PREX2: variants seen among roughly 807,000 people sequenced by gnomAD.
PREX2 encodes the protein phosphatidylinositol 3,4,5-trisphosphate-dependent Rac exchanger 2 protein.
Under a neutral mutation model 203.2 loss-of-function variants are expected in PREX2, and 107 were observed. The observed-to-expected ratio is 0.53, with a 90% CI of 0.45 to 0.62. The LOEUF is 0.62. Among genes scored for constraint, PREX2 ranks in the 20% least tolerant of loss-of-function variants. PREX2 has a pLI of 0.00. For synonymous variants in PREX2, 672 were observed against 663.6 expected (o/e 1.01, Z -0.19); for missense variants, 1,777 against 1,955.9 (o/e 0.91, Z 1.72).
chr8:67,973,268 A>G (rs1805978390), intron 1 of PREX2, among the ~76,000 whole-genome samples: 1 of 152,168 alleles, frequency 6.6e-6, no homozygotes, highest in Non-Finnish European at 1.5e-5. Context: ...TCATTTTATC[A>G]TAAACTTTGC....
intron 1 of PREX2, among the ~76,000 whole-genome samples, chr8:67,998,115 G>T (rs1006509809): frequency 6.6e-6 from 1 of 152,200 alleles, no homozygotes; most frequent in East Asian, 1.9e-4. Context: ...AACTGTGAGA[G>T]ATCTCATTGG....
At chr8:68,111,166 A>G (rs920900605) in intron 25 of PREX2, 1 of 202,204 alleles carries the variant, frequency 4.9e-6, no homozygotes, top group African/African-American at 2.4e-5. Context: ...GGCAATAAAT[A>G]GTGGCATTGA....
chr8:67,980,968 A>G (rs1344550997), intron 1 of PREX2, among the ~76,000 whole-genome samples: 3 of 152,194 alleles, frequency 2.0e-5, no homozygotes, highest in Admixed American at 2.0e-4. Flanking sequence ...TTTCTTCATC[A>G]CTTTGTCCAT....
intron 30 of PREX2, among the ~76,000 whole-genome samples, chr8:68,124,458 G>T (rs980758011): frequency 6.6e-6 from 1 of 151,972 alleles, no homozygotes; most frequent in African/African-American, 2.4e-5. Flanking sequence ...TGGACACAAA[G>T]AGAGGAACAA....
intron 1 of PREX2, among the ~76,000 whole-genome samples, chr8:68,000,401 G>A (rs1032124656): frequency 2.0e-5 from 3 of 152,078 alleles, no homozygotes; most frequent in Non-Finnish European, 1.5e-5. Context: ...GGAGTTGAAA[G>A]ATCTCTACAA....
chr8:68,073,502 T>C (rs1261126451), intron 14 of PREX2, among the ~76,000 whole-genome samples: 1 of 152,206 alleles, frequency 6.6e-6, no homozygotes, highest in African/African-American at 2.4e-5. Context: ...GGTTCATCTG[T>C]ACACACATAT....
chr8:68,134,077 G>T lies in PREX2; in HGVS notation c.3785G>T (p.Arg1262Leu), dbSNP rs769708831. The T allele has an allele frequency of 6.2e-7, 1 of 1,613,944 alleles. No individual in the cohort carries two copies. Among genetic ancestry groups the T allele is most frequent in the Admixed American group, 1.7e-5 (1 of 60,000 alleles). ...LEYSDSETQL[R>L]RDMVFCQTLV... The stretch of plus-strand genomic sequence containing the variant: ...ATCACAGATAGTGAGACACAGCTCC[G>T]TAGAGACATGGTTTTCTGCCAGACT... The change falls in exon 32 of 40, where the codon CGT becomes CTT. Residue 1262 changes from arginine to leucine, a missense_variant. Physicochemically the swap from Arg to Leu is moderately radical, Grantham distance 102 (BLOSUM62 -2). Coordinates refer to ENST00000288368, the MANE Select transcript of PREX2 (RefSeq NM_024870.4).
intron 35 of PREX2, among the ~76,000 whole-genome samples, chr8:68,167,021 C>A (rs1811773913): frequency 6.6e-6 from 1 of 152,154 alleles, no homozygotes; most frequent in African/African-American, 2.4e-5. Flanking sequence ...GAACTTGTAG[C>A]TCTGAGAATA....
chr8:67,991,737 A>G (rs1806615623), intron 1 of PREX2, among the ~76,000 whole-genome samples: 1 of 152,168 alleles, frequency 6.6e-6, no homozygotes, highest in Non-Finnish European at 1.5e-5. Flanking sequence ...TAACCATATC[A>G]ATGAGCAGAG....
chr8:67,994,476 C>G (rs1023173985), intron 1 of PREX2, among the ~76,000 whole-genome samples: 2 of 152,160 alleles, frequency 1.3e-5, no homozygotes, highest in Non-Finnish European at 2.9e-5. Flanking sequence ...TTGATGTCAA[C>G]TGTTTTGTTA....
intron 7 of PREX2, among the ~76,000 whole-genome samples, chr8:68,040,174 G>A (rs914019234): frequency 5.9e-5 from 9 of 152,048 alleles, no homozygotes; most frequent in African/African-American, 9.7e-5. Flanking sequence ...CACTATAGGC[G>A]CATGCTGCCA....
rs202233704 is a variant in PREX2, at chr8:68,191,774, G to A, written c.4399G>A (p.Ala1467Thr). ...NSPPNSTSKA[A>T]YVDKLMRPLN... Reference sequence around the variant, plus strand: ...ACCACCAAACTCCACATCCAAAGCTGCCTATGTAGATAAGGTAAAAACAGA... The same window carrying A: ...ACCACCAAACTCCACATCCAAAGCTACCTATGTAGATAAGGTAAAAACAGA... Residue 1467 changes from alanine to threonine, a missense_variant, in exon 36 of 40, where the codon GCC becomes ACC. By Grantham distance (58) the Ala-to-Thr change is moderately conservative. Transcript: ENST00000288368. The A allele has an allele frequency of 1.2e-6, 2 of 1,606,052 alleles. No homozygotes were observed. The highest frequency in any genetic ancestry group is 1.7e-6 in the Non-Finnish European group (2 of 1,172,962).
chr8:68,049,071 G>A (rs75870295), intron 8 of PREX2, among the ~76,000 whole-genome samples: 2,243 of 150,610 alleles, frequency 0.015, 46 homozygotes, highest in African/African-American at 0.052. Context: ...AAAGGTCAAG[G>A]GATGAACTAC....
Position 68,027,255 on chromosome 8 carries a change from G to A in PREX2, c.475G>A (p.Asp159Asn), listed in dbSNP as rs1388302622. 6.2e-7 allele frequency: 1 copy of A among 1,612,142 alleles called. No individual in the cohort carries two copies. Among genetic ancestry groups the A allele is most frequent in the African/African-American group, 1.3e-5 (1 of 74,832 alleles). The change falls in exon 5 of 40, where the codon GAT (aspartate) becomes AAT (asparagine). Residue 159 changes from aspartate to asparagine, a missense_variant. Physicochemically the swap from Asp to Asn is conservative, Grantham distance 23. Transcript: ENST00000288368. Reference sequence around the variant, plus strand: ...GCTGCTTGGAGGACGGAAGAACACAGATGTTCCCTTGGAAGGATATTTAGT... The same window carrying A: ...GCTGCTTGGAGGACGGAAGAACACAAATGTTCCCTTGGAAGGATATTTAGT... ...CMLLGGRKNT[D>N]VPLEGYLVTP...
chr8:68,116,058 T>C, intron 26 of PREX2, 126 bp downstream of exon 26: 1 of 746,722 alleles, frequency 1.3e-6, no homozygotes, highest in Non-Finnish European at 2.2e-6. Context: ...AATAATCACC[T>C]GTTACTACCG....
At chr8:68,077,521 C>T (rs1448508376) in intron 15 of PREX2, 52 bp downstream of exon 15, 2 of 1,283,278 alleles carry the variant, frequency 1.6e-6, no homozygotes, top group East Asian at 2.3e-5. Context: ...CACGTTGGTT[C>T]TTAGGATACT....
At chr8:68,023,828 T>C (rs1231645776) in intron 4 of PREX2, among the ~76,000 whole-genome samples, 1 of 152,116 alleles carries the variant, frequency 6.6e-6, no homozygotes, top group Non-Finnish European at 1.5e-5. Flanking sequence ...TGATCTTGTG[T>C]CCTGTGATCT....
At chr8:68,017,727 C>G in intron 1 of PREX2, 119 bp from the exon 2 acceptor site, 1 of 757,528 alleles carries the variant, frequency 1.3e-6, no homozygotes, top group East Asian at 2.7e-5. Flanking sequence ...AACTATTATA[C>G]TCAACAAATG....
intron 5 of PREX2, among the ~76,000 whole-genome samples, chr8:68,027,925 C>T (rs775080809): frequency 1.7e-4 from 26 of 152,022 alleles, no homozygotes; most frequent in Non-Finnish European, 3.5e-4. Flanking sequence ...GAAAAATACA[C>T]TGTAAGGTGC....
Sources: allele counts gnomAD v4.1 joint callset (sites outside exome capture counted in the v4.1 genomes callset), GRCh38; gene constraint gnomAD v4.1.1; transcripts MANE v1.5; gene names NCBI Gene and HGNC (gene_info 2026-07-23, HGNC 2026-07-21).